The following VBP1 variants were observed in gnomAD, a reference collection of about 807,000 sequenced individuals.
The protein encoded by VBP1 is prefoldin subunit 3.
A neutral mutation model predicts 15.5 loss-of-function variants in VBP1; 4 were observed. The ratio of observed to expected loss-of-function variants is 0.26; its 90% CI spans 0.13 to 0.59. VBP1 has a LOEUF of 0.59. Among genes scored for constraint, VBP1 ranks in the 20% least tolerant of loss-of-function variants. The pLI, the probability that VBP1 is intolerant of heterozygous loss-of-function variation, is 0.90. For synonymous variants in VBP1, 61 were observed against 52.1 expected (o/e 1.17, Z -0.74); for missense variants, 108 against 139.6 (o/e 0.77, Z 1.14).
At chrX:155,197,865 G>A (rs1557306844) in intron 1 of VBP1, among the ~76,000 whole-genome samples, 2 of 112,510 alleles carry the variant, frequency 1.8e-5, no homozygotes, top group Non-Finnish European at 3.8e-5. Context: ...TCAAAGAAAG[G>A]GGTGACAGAC....
intron 3 of VBP1, among the ~76,000 whole-genome samples, 180 bp downstream of exon 3, chrX:155,227,481 C>T (rs1475461425): frequency 8.9e-6 from 1 of 112,211 alleles, no homozygotes; most frequent in Non-Finnish European, 1.9e-5. Flanking sequence ...TGGCCTTCCC[C>T]CAAAAGTCAA....
intron 4 of VBP1, among the ~76,000 whole-genome samples, chrX:155,235,000 G>C (rs1473250006): frequency 2.7e-5 from 3 of 111,787 alleles, no homozygotes; most frequent in African/African-American, 9.8e-5. Flanking sequence ...TCTTCTATGA[G>C]TGATGTGTTC....
At chrX:155,205,192 A>T (rs1294676189) in intron 1 of VBP1, among the ~76,000 whole-genome samples, 2 of 112,433 alleles carry the variant, frequency 1.8e-5, no homozygotes, top group African/African-American at 6.5e-5. Flanking sequence ...CAGGTAATGG[A>T]AACTCTGAAG....
chrX:155,236,232 A>G lies in VBP1; in HGVS notation c.388A>G (p.Asn130Asp). ...TGTCATGACTTTCTCTCTTCAGGCT[A>G]ATGTAATGCTTGAATATGATATTGA... ...TDKVCLWLGA[N>D]VMLEYDIDEA... The change falls in exon 5 of 6, where the codon AAT becomes GAT. Residue 130 changes from asparagine to aspartate, a missense_variant. Asn to Asp is a conservative substitution (Grantham distance 23). Transcript: ENST00000286428. 1 of 1,208,634 alleles carries G rather than the reference A, an allele frequency of 8.3e-7. No homozygotes were observed. The highest frequency in any genetic ancestry group is 1.1e-6 in the Non-Finnish European group (1 of 893,795).
intron 2 of VBP1, among the ~76,000 whole-genome samples, chrX:155,221,470 C>T (rs781938258): frequency 8.9e-6 from 1 of 111,788 alleles, no homozygotes; most frequent in African/African-American, 3.3e-5. Context: ...CCCTGCACTC[C>T]AGCCTCGGCA....
chrX:155,218,774 G>C (rs2074676145), intron 1 of VBP1, among the ~76,000 whole-genome samples: 1 of 111,649 alleles, frequency 9.0e-6, no homozygotes, highest in Admixed American at 9.5e-5. Context: ...GTGACGAAAA[G>C]GTACTTGTAC....
chrX:155,216,068 G>C (rs1205540895), upstream of VBP1, among the ~76,000 whole-genome samples: 3 of 110,478 alleles, frequency 2.7e-5, no homozygotes, highest in Non-Finnish European at 5.7e-5. Flanking sequence ...GATGGCGCTA[G>C]GTCCCAGGTT....
chrX:155,212,652 G>A (rs1225487290), upstream of VBP1, among the ~76,000 whole-genome samples: 1 of 111,981 alleles, frequency 8.9e-6, no homozygotes, highest in Non-Finnish European at 1.9e-5. Context: ...GGCACAGCCT[G>A]TTAAATGACA....
chrX:155,202,383 C>G (rs2124036653), intron 1 of VBP1, among the ~76,000 whole-genome samples: 1 of 111,768 alleles, frequency 8.9e-6, no homozygotes, highest in Non-Finnish European at 1.9e-5. Context: ...GTAACCAAAA[C>G]AGCATGGTAC....
rs7052470 is a variant in VBP1, at chrX:155,201,559, A to G, written c.-31+4420A>G. 4.8e-5 allele frequency among the ~76,000 whole-genome samples: 4 copies of G among 82,844 alleles called. 2 individuals are homozygous for G. The highest frequency in any genetic ancestry group is 2.5e-4 in the African/African-American group (4 of 15,973). 71.9% of individuals were successfully genotyped at this position (82,844 alleles called of 115,157 possible). A position where few individuals can be genotyped will look rare whatever the true frequency, so the allele number is the denominator to read the frequency against. On this transcript the variant is annotated intron_variant, in intron 1 of 6. Coordinates refer to the VBP1 transcript ENST00000535916. ...GAAAAGACCTTTGACAAATTCAACAACCCTTCATGCTAAAAACTCTCAATA... is the reference window on the plus strand; with the variant it reads ...GAAAAGACCTTTGACAAATTCAACAGCCCTTCATGCTAAAAACTCTCAATA...
At chrX:155,237,208 G>A (rs2074777993) in intron 5 of VBP1, among the ~76,000 whole-genome samples, 1 of 111,313 alleles carries the variant, frequency 9.0e-6, no homozygotes, top group African/African-American at 3.3e-5. Context: ...TCTCTGGCCT[G>A]TCTTTTCCTC....
intron 4 of VBP1, 115 bp downstream of exon 4, chrX:155,228,597 G>T (rs1277505069): frequency 2.9e-5 from 17 of 581,172 alleles, no homozygotes; most frequent in Non-Finnish European, 4.3e-5. Flanking sequence ...CTCGAGATAT[G>T]TAAAGTGTTC....
At chrX:155,202,022 A>C (rs1267285974) in intron 1 of VBP1, among the ~76,000 whole-genome samples, 47 of 111,736 alleles carry the variant, frequency 4.2e-4, no homozygotes, top group African/African-American at 1.5e-3. Flanking sequence ...TCCTTCAAAG[A>C]GAATAAAATA....
At chrX:155,216,274 C>A, upstream of VBP1, 1 of 833,074 alleles carries the variant, frequency 1.2e-6, no homozygotes, top group Non-Finnish European at 1.6e-6. Flanking sequence ...GGCCCTTCCA[C>A]GCTTGTCACT....
At chrX:155,236,772 C>T (rs1017788256) in intron 5 of VBP1, among the ~76,000 whole-genome samples, 4 of 112,455 alleles carry the variant, frequency 3.6e-5, no homozygotes, top group Admixed American at 2.8e-4. Context: ...ACAGCAAATT[C>T]ACATAGGTGA....
intron 1 of VBP1, among the ~76,000 whole-genome samples, chrX:155,202,660 A>G (rs1303141727): frequency 1.9e-5 from 2 of 107,385 alleles, no homozygotes; most frequent in Admixed American, 2.0e-4. Context: ...AAACCCTAGA[A>G]GAAAACCTAG....
chrX:155,209,159 A>G (rs1029298485), intron 2 of VBP1, among the ~76,000 whole-genome samples: 4 of 112,477 alleles, frequency 3.6e-5, no homozygotes, highest in Non-Finnish European at 1.9e-5. Flanking sequence ...AACTGTGCAG[A>G]CCTGGTGCAG....
chrX:155,222,659 A>G (rs1411276775), intron 2 of VBP1, among the ~76,000 whole-genome samples: 1 of 111,963 alleles, frequency 8.9e-6, no homozygotes, highest in Admixed American at 9.4e-5. Context: ...TACTCACTCT[A>G]GCTTAACATA....
intron 1 of VBP1, among the ~76,000 whole-genome samples, chrX:155,205,608 C>G (rs1364921023): frequency 8.9e-6 from 1 of 111,741 alleles, no homozygotes; most frequent in African/African-American, 3.3e-5. Context: ...TGCCCTTGCT[C>G]CCTACAGTGT....
Sources: allele counts gnomAD v4.1 joint callset (sites outside exome capture counted in the v4.1 genomes callset), GRCh38; gene constraint gnomAD v4.1.1; transcripts MANE v1.5; gene names NCBI Gene and HGNC (gene_info 2026-07-23, HGNC 2026-07-21).